BEAN1: variants seen among roughly 807,000 people sequenced by gnomAD.
BEAN1 encodes the protein brain expressed associated with NEDD4 1.
BEAN1 carries 17 observed loss-of-function variants against 17.7 expected under a neutral mutation model. That is an observed-to-expected ratio of 0.96 (90% CI 0.66 to 1.44). The LOEUF is 1.44. Ranked by LOEUF, BEAN1 falls within the 40% of genes most tolerant of loss-of-function variation. The probability of loss-of-function intolerance (pLI) is 0.00; values close to 1 mark genes in which losing one functional copy is unlikely to be tolerated. For missense variants in BEAN1, 359 were observed against 374.1 expected, an observed-to-expected ratio of 0.96 and a Z score of 0.33; for synonymous variants, 142 against 151.8, an observed-to-expected ratio of 0.94 and a Z score of 0.47.
intron 2 of BEAN1, among the ~76,000 whole-genome samples, chr16:66,457,054 G>C (rs1012585394): frequency 6.6e-6 from 1 of 152,202 alleles, no homozygotes; most frequent in African/African-American, 2.4e-5. Flanking sequence ...AGCAGAGGTG[G>C]GAGCAGGGAA....
At chr16:66,465,075 T>G (rs1349458668) in intron 2 of BEAN1, among the ~76,000 whole-genome samples, 2 of 152,196 alleles carry the variant, frequency 1.3e-5, no homozygotes, top group Non-Finnish European at 2.9e-5. Flanking sequence ...TTCCCTTCTA[T>G]TTTTAGTTTG....
At chr16:66,428,035 C>G (rs764073902) in intron 1 of BEAN1, 1 of 152,290 alleles carries the variant, frequency 6.6e-6, no homozygotes. Flanking sequence ...AGCGCGCCCT[C>G]CGCACCTTCT....
At chr16:66,491,329 A>C (rs1450712682) in intron 4 of BEAN1, among the ~76,000 whole-genome samples, 1 of 152,062 alleles carries the variant, frequency 6.6e-6, no homozygotes, top group Non-Finnish European at 1.5e-5. Context: ...CCTGGAGCTG[A>C]TCTCTGTCAA....
At chr16:66,466,281 AAAACAAAC>A (rs1028709561) in intron 2 of BEAN1, among the ~76,000 whole-genome samples, 1 of 152,210 alleles carries the variant, frequency 6.6e-6, no homozygotes, top group South Asian at 2.1e-4. Flanking sequence ...TGTCTCAAAA[AAAACAAAC>A]AAAAAAACAA....
At position 66,493,263 on chromosome 16, in the gene BEAN1, AG is replaced by A; in HGVS notation, c.454del (p.Val152PhefsTer38). The A allele has an allele frequency of 2.8e-6, 2 of 702,862 alleles. No individual in the cohort carries two copies. The highest frequency in any genetic ancestry group is 5.2e-6 in the Non-Finnish European group (2 of 384,916). The allele number at this position is 702,862 out of a possible 1,614,324, so 43.5% of individuals were successfully genotyped here. A position where few individuals can be genotyped will look rare whatever the true frequency, so the allele number is the denominator to read the frequency against. ...CTGGTGAAGCCCTGCAGCTGCCTCGAGGGGGTTCAGCCAGGCCCAGGTTCCG... is the reference window on the plus strand; with the variant it reads ...CTGGTGAAGCCCTGCAGCTGCCTCGAGGGGTTCAGCCAGGCCCAGGTTCCG... On this transcript the variant is annotated frameshift_variant, in exon 5 of 5. Transcript: ENST00000561796. LOFTEE classifies it low-confidence loss of function (END_TRUNC).
intron 4 of BEAN1, 50 bp from the exon 5 acceptor site, chr16:66,480,536 C>T (rs1440212018): frequency 7.1e-7 from 1 of 1,408,642 alleles, no homozygotes; most frequent in Non-Finnish European, 9.6e-7. Context: ...TTGGGAGAGA[C>T]CCAGCCCTAA....
At chr16:66,449,840 G>A (rs1413278464) in intron 2 of BEAN1, among the ~76,000 whole-genome samples, 1 of 152,024 alleles carries the variant, frequency 6.6e-6, no homozygotes, top group Non-Finnish European at 1.5e-5. Flanking sequence ...TTCTTGTGAG[G>A]GAGTAGGATG....
intron 1 of BEAN1, among the ~76,000 whole-genome samples, chr16:66,431,138 A>G (rs1320211883): frequency 6.6e-6 from 1 of 152,214 alleles, no homozygotes; most frequent in Non-Finnish European, 1.5e-5. Context: ...AACAAATGAC[A>G]TGTTCAAAGG....
chr16:66,436,363 G>A (rs1405066203), intron 1 of BEAN1, among the ~76,000 whole-genome samples: 2 of 149,480 alleles, frequency 1.3e-5, no homozygotes, highest in East Asian at 3.9e-4. Flanking sequence ...CGCCTCCCAG[G>A]TTGACGCCAT....
chr16:66,428,213 C>T, intron 1 of BEAN1: 1 of 152,852 alleles, frequency 6.5e-6, no homozygotes, highest in Non-Finnish European at 1.5e-5. Context: ...GCCCTTCCTC[C>T]TTCCCTATCG....
intron 2 of BEAN1, among the ~76,000 whole-genome samples, chr16:66,457,376 G>T (rs967434505): frequency 6.6e-6 from 1 of 152,252 alleles, no homozygotes; most frequent in African/African-American, 2.4e-5. Context: ...CTGATGAATA[G>T]GTATATGACT....
In BEAN1 at chr16:66,480,861, G is replaced by C. The variant is rs1204800553; in HGVS notation, c.716G>C (p.Arg239Thr). ...CTGCCGGGCCCAGACCCAGGGCCAA[G>C]GGGCTCCCAGGGCTCACCCACCCCA... ...LPLPGPDPGPRGSQGSPTPTR... is the reference protein window; with the variant it reads ...LPLPGPDPGPTGSQGSPTPTR... Residue 239 changes from arginine to threonine, a missense_variant, in exon 5 of 5, where the codon AGG (arginine) becomes ACG (threonine). Coordinates refer to ENST00000536005, the MANE Select transcript of BEAN1 (RefSeq NM_001178020.3). 1 of 1,498,068 alleles carries C rather than the reference G, an allele frequency of 6.7e-7. No individual in the cohort carries two copies. Among genetic ancestry groups the C allele is most frequent in the East Asian group, 2.5e-5 (1 of 40,158 alleles). 92.8% of individuals were successfully genotyped at this position (1,498,068 alleles called of 1,614,324 possible). A position where few individuals can be genotyped will look rare whatever the true frequency, so the allele number is the denominator to read the frequency against.
At chr16:66,436,298 C>T (rs1478812148) in intron 1 of BEAN1, among the ~76,000 whole-genome samples, 2 of 132,866 alleles carry the variant, frequency 1.5e-5, no homozygotes, top group East Asian at 2.2e-4. Flanking sequence ...GACAGAGTCT[C>T]GCTCTGTCAC....
chr16:66,466,611 G>C (rs1963269004), intron 2 of BEAN1, among the ~76,000 whole-genome samples: 1 of 152,108 alleles, frequency 6.6e-6, no homozygotes, highest in Admixed American at 6.6e-5. Flanking sequence ...TGTTGCCCAG[G>C]CTGGAGTGCA....
chr16:66,432,626 G>A (rs1336740533), intron 1 of BEAN1, among the ~76,000 whole-genome samples: 3 of 152,186 alleles, frequency 2.0e-5, no homozygotes, highest in South Asian at 4.1e-4. Context: ...CACAGTGATT[G>A]TCTGAGCTAT....
chr16:66,463,740 A>G (rs928244160), intron 2 of BEAN1, among the ~76,000 whole-genome samples: 2 of 152,180 alleles, frequency 1.3e-5, no homozygotes, highest in Non-Finnish European at 2.9e-5. Context: ...CTATGTTTTT[A>G]TCTAAGAGTT....
intron 1 of BEAN1, among the ~76,000 whole-genome samples, chr16:66,433,305 T>G (rs1432084598): frequency 1.3e-5 from 2 of 152,098 alleles, no homozygotes; most frequent in Admixed American, 6.5e-5. Context: ...GAGATAGGAT[T>G]TCACCATGTT....
chr16:66,456,748 C>A (rs11644569), intron 2 of BEAN1, among the ~76,000 whole-genome samples: 2,112 of 152,286 alleles, frequency 0.014, 19 homozygotes, highest in Non-Finnish European at 0.021. Context: ...TAAATAAGTT[C>A]TTCTTTAAGC....
intron 2 of BEAN1, among the ~76,000 whole-genome samples, chr16:66,447,844 A>G (rs554793707): frequency 9.9e-5 from 15 of 152,250 alleles, no homozygotes; most frequent in South Asian, 4.1e-4. Context: ...GAATGGGACC[A>G]GGTCACACAG....
Sources: allele counts gnomAD v4.1 joint callset (sites outside exome capture counted in the v4.1 genomes callset), GRCh38; gene constraint gnomAD v4.1.1; transcripts MANE v1.5; gene names NCBI Gene and HGNC (gene_info 2026-07-23, HGNC 2026-07-21).